SYNE2: variants seen among roughly 807,000 people sequenced by gnomAD.
SYNE2 encodes spectrin repeat containing nuclear envelope protein 2, also known as nesprin-2.
In SYNE2, 431 loss-of-function variants were observed where a neutral mutation model predicts 856.3. The ratio of observed to expected loss-of-function variants is 0.50; its 90% confidence interval spans 0.47 to 0.55. SYNE2 has a LOEUF of 0.55. Among genes scored for constraint, SYNE2 ranks in the 20% least tolerant of loss-of-function variants. SYNE2 has a pLI of 0.00. For synonymous variants in SYNE2, 2,923 were observed against 2,872.3 expected (o/e 1.02, Z -0.56); for missense variants, 8,129 against 8,023.2 (o/e 1.01, Z -0.50).
intron 96 of SYNE2, among the ~76,000 whole-genome samples, chr14:64,183,664 G>A (rs1276509611): frequency 3.3e-5 from 5 of 152,136 alleles, no homozygotes; most frequent in African/African-American, 4.8e-5. Flanking sequence ...CTGCAATCCC[G>A]GCACCTCGGG....
intron 1 of SYNE2, among the ~76,000 whole-genome samples, chr14:63,804,178 G>A (rs1281456685): frequency 2.6e-5 from 4 of 152,188 alleles, no homozygotes; most frequent in Non-Finnish European, 5.9e-5. Flanking sequence ...CTTTACAGGA[G>A]TGTGAGAATG....
At chr14:63,794,581 T>C (rs1267583446) in intron 1 of SYNE2, among the ~76,000 whole-genome samples, 1 of 151,834 alleles carries the variant, frequency 6.6e-6, no homozygotes, top group East Asian at 1.9e-4. Context: ...ATATAAACAA[T>C]CAACTATAAA....
At chr14:63,849,462 T>C (rs138410811), upstream of SYNE2, among the ~76,000 whole-genome samples, 3,092 of 152,244 alleles carry the variant, frequency 0.02, 41 homozygotes, top group Admixed American at 0.032. Flanking sequence ...GGTTGATAAA[T>C]ACATGATAGC....
At chr14:64,089,369 G>GAAAAA (rs57358817) in intron 58 of SYNE2, among the ~76,000 whole-genome samples, 8 of 50,460 alleles carry the variant, frequency 1.6e-4, no homozygotes, top group African/African-American at 2.4e-4. Flanking sequence ...TCCGTCTCAG[G>GAAAAA]AAAAAAAAAA....
At chr14:63,806,506 T>C (rs1888366183) in intron 1 of SYNE2, among the ~76,000 whole-genome samples, 1 of 151,950 alleles carries the variant, frequency 6.6e-6, no homozygotes, top group African/African-American at 2.4e-5. Flanking sequence ...TAGAGAGGAG[T>C]CCCTCCTCCT....
intron 1 of SYNE2, among the ~76,000 whole-genome samples, chr14:63,784,249 T>C (rs1887429143): frequency 6.6e-6 from 1 of 151,726 alleles, no homozygotes; most frequent in Non-Finnish European, 1.5e-5. Flanking sequence ...TCCCAGCACT[T>C]TGGGAGGTTG....
intron 61 of SYNE2, among the ~76,000 whole-genome samples, 158 bp from the exon 62 acceptor site, chr14:64,097,791 G>C (rs1203409262): frequency 1.3e-5 from 2 of 152,224 alleles, no homozygotes; most frequent in African/African-American, 4.8e-5. Context: ...TTGTATCCAG[G>C]ATGGAAAGGA....
intron 1 of SYNE2, among the ~76,000 whole-genome samples, chr14:63,836,244 G>A (rs1364850096): frequency 4.6e-5 from 7 of 151,978 alleles, no homozygotes; most frequent in African/African-American, 7.3e-5. Context: ...TTCTGGTCTC[G>A]AACTCCTGGG....
At chr14:63,932,746 G>T (rs1434484784) in intron 2 of SYNE2, among the ~76,000 whole-genome samples, 1 of 152,198 alleles carries the variant, frequency 6.6e-6, no homozygotes, top group Non-Finnish European at 1.5e-5. Context: ...AACTGGTTAT[G>T]TCCAATTATA....
At chr14:64,063,638 A>C (rs1253731526) in intron 50 of SYNE2, among the ~76,000 whole-genome samples, 1 of 152,244 alleles carries the variant, frequency 6.6e-6, no homozygotes, top group Admixed American at 6.5e-5. Flanking sequence ...TATCTGTTAG[A>C]ATCTGTGGTA....
chr14:63,910,319 T>C (rs1344836319), intron 2 of SYNE2, among the ~76,000 whole-genome samples: 1 of 152,228 alleles, frequency 6.6e-6, no homozygotes, highest in African/African-American at 2.4e-5. Context: ...ATAAAATCTG[T>C]TTTGAATGAT....
In SYNE2 at chr14:64,130,109, T is replaced by G. The variant is rs1442489838; in HGVS notation, c.14201T>G (p.Phe4734Cys). Residue 4734 changes from phenylalanine to cysteine, a missense_variant, in exon 76 of 116, where the codon TTC (phenylalanine) becomes TGC (cysteine). Phe to Cys is a radical substitution (Grantham distance 205). This residue lies in a region of SYNE2 where 5,410 missense variants were observed against 5,284.8 expected (regional missense o/e 1.02). Coordinates refer to ENST00000555002, the MANE Select transcript of SYNE2 (RefSeq NM_182914.3). ...RARYTELSSP[F>C]VTESQQDALL... ...AGGTACACAGAACTCAGCAGCCCTT[T>G]CGTCACTGAGAGCCAGCAAGATGCT... The G allele has an allele frequency of 1.9e-6, 3 of 1,614,076 alleles. No individual in the cohort carries two copies. Among genetic ancestry groups the G allele is most frequent in the Non-Finnish European group, 2.5e-6 (3 of 1,180,052 alleles).
At chr14:63,770,059 G>A (rs958965413) in intron 1 of SYNE2, among the ~76,000 whole-genome samples, 2 of 152,056 alleles carry the variant, frequency 1.3e-5, no homozygotes, top group African/African-American at 4.8e-5. Flanking sequence ...GACCACAGGT[G>A]TGCCATCATG....
In SYNE2 at chr14:63,930,321, G is replaced by C. The variant is rs72718331; in HGVS notation, c.80-10293G>C. Among the ~76,000 whole-genome samples the C allele has an allele frequency of 2.7e-3, 402 of 150,714 alleles. 2 individuals are homozygous for C. Among genetic ancestry groups the C allele is most frequent in the East Asian group, 4.7e-3 (24 of 5,116 alleles). On this transcript the variant is annotated intron_variant, in intron 2 of 115. Coordinates refer to ENST00000555002, the MANE Select transcript of SYNE2 (RefSeq NM_182914.3). ...AAAAAAGCAATGAGATGGTTGTACAGCTTTGTGAATTATACACTTTAAAAA... is the reference window on the plus strand; with the variant it reads ...AAAAAAGCAATGAGATGGTTGTACACCTTTGTGAATTATACACTTTAAAAA...
chr14:64,005,841 C>T (rs1567032010), intron 30 of SYNE2, among the ~76,000 whole-genome samples: 9 of 152,044 alleles, frequency 5.9e-5, no homozygotes. Flanking sequence ...TTTAGATAAA[C>T]AAGAGAAGAG....
At chr14:63,859,965 C>T (rs1269149709) in intron 1 of SYNE2, among the ~76,000 whole-genome samples, 1 of 142,354 alleles carries the variant, frequency 7.0e-6, no homozygotes, top group Non-Finnish European at 1.5e-5. Context: ...CCCTCCCTCC[C>T]TCCCTCCCTT....
rs1164570078 is a variant in SYNE2 at position 64,225,844 on chromosome 14, CATTATT to C, written c.*321_*326del. ...GAATTCTGGTTTGTTTGTAAAACAG[CATTATT>C]ATAATGTAGGTATGGTCAATGAGCA... On this transcript the variant is annotated 3_prime_UTR_variant, in exon 116 of 116. Transcript: ENST00000555002. 1 of 581,670 alleles carries C rather than the reference CATTATT, an allele frequency of 1.7e-6. No homozygotes were observed. Among genetic ancestry groups the C allele is most frequent in the African/African-American group, 1.9e-5 (1 of 53,626 alleles). 36.0% of individuals were successfully genotyped at this position (581,670 alleles called of 1,614,324 possible). A position where few individuals can be genotyped will look rare whatever the true frequency, so the allele number is the denominator to read the frequency against.
At chr14:63,935,746 G>A (rs116107178) in intron 2 of SYNE2, among the ~76,000 whole-genome samples, 2,585 of 152,260 alleles carry the variant, frequency 0.017, 64 homozygotes, top group African/African-American at 0.059. Context: ...GAGTGTGGTG[G>A]CTCACACTTG....
At chr14:64,119,310 G>C in intron 66 of SYNE2, 117 bp from the exon 67 acceptor site, 10 of 1,343,172 alleles carry the variant, frequency 7.4e-6, no homozygotes, top group Non-Finnish European at 1.0e-5. Flanking sequence ...CTTCCATCCT[G>C]TGTTTCTGGG....
Sources: allele counts gnomAD v4.1 joint callset (sites outside exome capture counted in the v4.1 genomes callset), GRCh38; gene constraint gnomAD v4.1.1; regional missense constraint gnomAD v4.1.1; transcripts MANE v1.5; gene names NCBI Gene and HGNC (gene_info 2026-07-23, HGNC 2026-07-21).